SLMAP: variants seen among roughly 807,000 people sequenced by gnomAD.
SLMAP encodes sarcolemmal membrane-associated protein.
In SLMAP, 44 loss-of-function variants were observed where a neutral mutation model predicts 128.8. The ratio of observed to expected loss-of-function variants is 0.34; its 90% confidence interval spans 0.27 to 0.44. SLMAP has a LOEUF of 0.44. Ranked by LOEUF, SLMAP falls within the 20% of genes least tolerant of loss-of-function variation. The pLI is 1.00. For missense variants in SLMAP, 787 were observed against 985.3 expected (o/e 0.80, Z 2.69); for synonymous variants, 327 against 348.8 (o/e 0.94, Z 0.70).
chr3:57,886,010 C>T (rs758978704), intron 14 of SLMAP, among the ~76,000 whole-genome samples: 9 of 151,064 alleles, frequency 6.0e-5, no homozygotes. Flanking sequence ...TCTCGAACTC[C>T]TGACCTCGTG....
At chr3:57,906,317 T>TTCTTTTTTTTTTTTTTTTTG (rs1553637805) in intron 17 of SLMAP, among the ~76,000 whole-genome samples, 1 of 121,716 alleles carries the variant, frequency 8.2e-6, no homozygotes, top group African/African-American at 3.1e-5. Context: ...TTTCTTTTTT[T>TTCTTTTTTTTTTTTTTTTTG]TTTTTTTTTT....
chr3:57,855,996 T>A (rs1209756803), intron 6 of SLMAP, among the ~76,000 whole-genome samples: 1 of 151,112 alleles, frequency 6.6e-6, no homozygotes, highest in Non-Finnish European at 1.5e-5. Flanking sequence ...TGAGCCAAGA[T>A]CGCGCCATTG....
intron 2 of SLMAP, among the ~76,000 whole-genome samples, chr3:57,829,028 C>T (rs1005034785): frequency 6.6e-6 from 1 of 152,038 alleles, no homozygotes; most frequent in African/African-American, 2.4e-5. Flanking sequence ...AGTGATTCTC[C>T]CACCTTGGCC....
chr3:57,827,873 G>A (rs1470621564), intron 2 of SLMAP, among the ~76,000 whole-genome samples: 1 of 152,246 alleles, frequency 6.6e-6, no homozygotes, highest in Non-Finnish European at 1.5e-5. Flanking sequence ...AAAGGATCAA[G>A]TAATATATCT....
intron 2 of SLMAP, among the ~76,000 whole-genome samples, chr3:57,815,323 AACTATGG>A (rs2091705484): frequency 6.6e-6 from 1 of 152,140 alleles, no homozygotes; most frequent in African/African-American, 2.4e-5. Context: ...TACCAATACC[AACTATGG>A]ATAAGGGACC....
At chr3:57,896,175 C>A in intron 15 of SLMAP, 1 of 963,522 alleles carries the variant, frequency 1.0e-6, no homozygotes, top group East Asian at 1.1e-4. Context: ...TCTGCATTGT[C>A]CTGGGAATTG....
rs188551842 is a variant in SLMAP at position 57,864,500 on chromosome 3, A to T, written c.967-48A>T. The T allele has an allele frequency of 8.6e-5, 118 of 1,372,836 alleles. No individual in the cohort carries two copies. In the African/African-American group the frequency reaches 1.1e-3, roughly 13 times the overall value. 85.0% of individuals were successfully genotyped at this position (1,372,836 alleles called of 1,614,324 possible). ...AAAGGCATTCCTGGGGCTCGCTCTT[A>T]AAACAGAGTTAGGTTTGTTAAATAA... On this transcript the variant is annotated intron_variant, in intron 10 of 24. Coordinates refer to ENST00000671191, the MANE Select transcript of SLMAP (RefSeq NM_001377540.1).
Position 57,847,239 on chromosome 3 carries a change from T to A in SLMAP, c.456+6T>A. 6.2e-7 allele frequency: 1 copy of A among 1,606,326 alleles called. No homozygotes were observed. ...TACCAAGTCCTGTTGACAAAGTAAG[T>A]TGCTAATGATTATTTTTTCCAAACT... is the stretch of plus-strand genomic sequence containing the variant. On this transcript the variant is annotated splice_donor_region_variant and intron_variant, in intron 5 of 24. Coordinates refer to ENST00000671191, the MANE Select transcript of SLMAP (RefSeq NM_001377540.1).
Position 57,896,688 on chromosome 3 carries a change from G to GA in SLMAP, c.1441+107dup, listed in dbSNP as rs1189703730. 25,049 of 970,054 alleles carry GA rather than the reference G, an allele frequency of 0.026. 9 individuals carry two copies. The highest frequency in any genetic ancestry group is 0.032 in the South Asian group (1,590 of 50,310). The allele number at this position is 970,054 out of a possible 1,614,324, so 60.1% of individuals were successfully genotyped here. On this transcript the variant is annotated intron_variant, in intron 16 of 24. Transcript: ENST00000671191. ...GGAGATTTCAAAGTATGTGTTTGGG[G>GA]AAAAAAAAAACGCTTCCATTTATCA...
chr3:57,878,206 C>G (rs2095649614), intron 14 of SLMAP, among the ~76,000 whole-genome samples: 1 of 152,062 alleles, frequency 6.6e-6, no homozygotes. Context: ...ACAACATCTT[C>G]TATAGCAAGA....
At chr3:57,828,824 G>T (rs978026727) in intron 2 of SLMAP, among the ~76,000 whole-genome samples, 3 of 152,138 alleles carry the variant, frequency 2.0e-5, no homozygotes, top group Admixed American at 6.6e-5. Context: ...CTGTTGCTCA[G>T]GCTGGAGTAT....
rs2153599176 is a variant in SLMAP, at chr3:57,860,807, A to C, written c.796A>C (p.Ile266Leu). Residue 266 changes from isoleucine to leucine, a missense_variant, in exon 9 of 25, where the codon ATT becomes CTT. Around this residue, in one of 2 missense-constraint regions of SLMAP, gnomAD observed 715 missense variants for 843.6 expected, o/e 0.85. Transcript: ENST00000671191. ...CCTGAGGCGGGTTCTTCAGGAGAAAATTGAAGTGGTTAGAAAACTTTCAGA... is the reference window on the plus strand; with the variant it reads ...CCTGAGGCGGGTTCTTCAGGAGAAACTTGAAGTGGTTAGAAAACTTTCAGA... ...ESLRRVLQEK[I>L]EVVRKLSEVE... The C allele has an allele frequency of 6.3e-7, 1 of 1,596,650 alleles. No individual in the cohort carries two copies. The highest frequency in any genetic ancestry group is 8.5e-7 in the Non-Finnish European group (1 of 1,175,794).
chr3:57,849,109 G>T (rs376161524), intron 5 of SLMAP, among the ~76,000 whole-genome samples: 1 of 151,682 alleles, frequency 6.6e-6, no homozygotes, highest in Non-Finnish European at 1.5e-5. Context: ...CTGGTCTCTC[G>T]AACTCCTGGC....
chr3:57,835,059 T>A (rs184122168), intron 3 of SLMAP, among the ~76,000 whole-genome samples: 1,467 of 137,528 alleles, frequency 0.011, 34 homozygotes, highest in Non-Finnish European at 9.5e-3. Flanking sequence ...GAGGCAGAGA[T>A]TGCAGTGAGC....
At chr3:57,879,001 A>C (rs2095664812) in intron 14 of SLMAP, among the ~76,000 whole-genome samples, 1 of 152,136 alleles carries the variant, frequency 6.6e-6, no homozygotes, top group Non-Finnish European at 1.5e-5. Flanking sequence ...CTTTAGTTTC[A>C]ATTAGTTGTA....
At chr3:57,889,937 A>C in intron 14 of SLMAP, 104 bp from the exon 15 acceptor site, 1 of 769,008 alleles carries the variant, frequency 1.3e-6, no homozygotes. Context: ...CATAGGAGTA[A>C]TGTTATCATC....
intron 2 of SLMAP, among the ~76,000 whole-genome samples, chr3:57,760,425 A>G (rs999765074): frequency 6.6e-6 from 1 of 152,214 alleles, no homozygotes; most frequent in Non-Finnish European, 1.5e-5. Flanking sequence ...ATGCTCTGTC[A>G]GATCTTACCA....
intron 6 of SLMAP, among the ~76,000 whole-genome samples, chr3:57,853,260 G>A (rs1242512149): frequency 6.6e-6 from 1 of 152,182 alleles, no homozygotes; most frequent in Non-Finnish European, 1.5e-5. Context: ...GGATTCTGAG[G>A]TGTATGGCTT....
chr3:57,798,856 A>G (rs193101780), intron 2 of SLMAP, among the ~76,000 whole-genome samples: 2 of 152,344 alleles, frequency 1.3e-5, no homozygotes, highest in African/African-American at 4.8e-5. Context: ...TCTTCAGTGA[A>G]TACTGACTCA....
Sources: allele counts gnomAD v4.1 joint callset (sites outside exome capture counted in the v4.1 genomes callset), GRCh38; gene constraint gnomAD v4.1.1; regional missense constraint gnomAD v4.1.1; transcripts MANE v1.5; gene names NCBI Gene and HGNC (gene_info 2026-07-23, HGNC 2026-07-21).